Variants in C5AR1 observed in about 807,000 individuals in gnomAD.
The protein encoded by C5AR1 is complement C5a receptor 1.
C5AR1 carries 4 observed loss-of-function variants against 2.4 expected under a neutral mutation model. That is an observed-to-expected ratio of 1.65 (90% CI 0.81 to 3.77). C5AR1 has a LOEUF of 3.77. C5AR1 is among the 30% of genes most tolerant of loss of function. C5AR1 has a pLI of 0.01. For missense variants in C5AR1, 418 were observed against 462.5 expected (o/e 0.90, Z 0.88); for synonymous variants, 209 against 210.4 (o/e 0.99, Z 0.06).
At position 47,320,420 on chromosome 19, in the gene C5AR1, C is replaced by G. The variant is rs745507010; in HGVS notation, c.643C>G (p.Leu215Val). Residue 215 changes from leucine to valine, a missense_variant, in exon 2 of 2, where the codon CTA (leucine) becomes GTA (valine). Transcript: ENST00000355085. The surrounding 1 kb of genome is among the most constrained non-coding windows in gnomAD (Gnocchi z 4.9). The part of the protein sequence containing the change: ...VRLVLGFLWP[L>V]LTLTICYTFI... ...GCTGGTCCTGGGCTTCCTGTGGCCTCTACTCACGCTCACGATTTGTTACAC... is the reference window on the plus strand; with the variant it reads ...GCTGGTCCTGGGCTTCCTGTGGCCTGTACTCACGCTCACGATTTGTTACAC... 6.2e-7 allele frequency: 1 copy of G among 1,610,960 alleles called. No individual in the cohort carries two copies. Among genetic ancestry groups the G allele is most frequent in the Non-Finnish European group, 8.5e-7 (1 of 1,179,952 alleles).
chr19:47,314,211 T>G (rs973228310), intron 1 of C5AR1, among the ~76,000 whole-genome samples: 4 of 152,090 alleles, frequency 2.6e-5, no homozygotes, highest in Non-Finnish European at 5.9e-5. Context: ...CTGCCCTTTG[T>G]GCTATTGTCA....
chr19:47,316,908 T>C (rs2059291095), intron 1 of C5AR1, among the ~76,000 whole-genome samples: 1 of 150,554 alleles, frequency 6.6e-6, no homozygotes, highest in African/African-American at 2.4e-5. Flanking sequence ...CCAGGCATGG[T>C]GGCTTACATC....
intron 1 of C5AR1, among the ~76,000 whole-genome samples, chr19:47,311,535 C>T (rs1163742646): frequency 6.6e-6 from 1 of 151,976 alleles, no homozygotes; most frequent in African/African-American, 2.4e-5. Flanking sequence ...AACTCATTCT[C>T]CCTGCCTACC....
At chr19:47,315,899 C>T (rs1399241323) in intron 1 of C5AR1, among the ~76,000 whole-genome samples, 1 of 152,038 alleles carries the variant, frequency 6.6e-6, no homozygotes, top group Non-Finnish European at 1.5e-5. Flanking sequence ...ATACATTTTA[C>T]CTAGACTCTC....
Position 47,320,268 on chromosome 19 carries a change from C to A in C5AR1, c.491C>A (p.Ala164Asp), listed in dbSNP as rs145736934. 83 of 1,613,382 alleles carry A rather than the reference C, an allele frequency of 5.1e-5. No individual in the cohort carries two copies. In the African/African-American group the frequency reaches 9.6e-4, roughly 19 times the overall value. Residue 164 changes from alanine to aspartate, a missense_variant, in exon 2 of 2, where the codon GCC becomes GAC. Transcript: ENST00000355085. This position sits in a 1 kb window ranked among gnomAD's most constrained non-coding sequence, Gnocchi z 4.9. ...WIACAVAWGL[A>D]LLLTIPSFLY... ...GCCTGTGCCGTGGCTTGGGGTTTAG[C>A]CCTGCTGCTGACCATACCCTCCTTC...
At chr19:47,314,898 T>C (rs948912358) in intron 1 of C5AR1, among the ~76,000 whole-genome samples, 2 of 152,116 alleles carry the variant, frequency 1.3e-5, no homozygotes, top group African/African-American at 2.4e-5. Context: ...TTCACTATGT[T>C]GGCCAGTCTG....
intron 1 of C5AR1, among the ~76,000 whole-genome samples, 199 bp downstream of exon 1, chr19:47,310,097 G>A (rs1599728254): frequency 1.3e-5 from 2 of 152,240 alleles, no homozygotes; most frequent in East Asian, 3.9e-4. Flanking sequence ...CTGGGATGTG[G>A]CCATGGGAAT....
chr19:47,310,078 A>T lies in C5AR1; in HGVS notation c.3+180A>T, dbSNP rs556406845. On this transcript the variant is annotated intron_variant, in intron 1 of 1. Transcript: ENST00000355085. ...TCTCTCCTGCATCCCAGGCTCTCAC[A>T]CTCCAGGGCTGGGATGTGGCCATGG... Among the ~76,000 whole-genome samples, 40 of 151,688 alleles carry T rather than the reference A, an allele frequency of 2.6e-4. 1 individual carries two copies. The highest frequency in any genetic ancestry group is 4.4e-5 in the Non-Finnish European group (3 of 67,898).
At chr19:47,314,399 T>C (rs1180725822) in intron 1 of C5AR1, among the ~76,000 whole-genome samples, 2 of 152,168 alleles carry the variant, frequency 1.3e-5, no homozygotes, top group African/African-American at 4.8e-5. Flanking sequence ...TATTTTACTT[T>C]ATTTATTTTA....
At position 47,318,881 on chromosome 19, in the gene C5AR1, A is replaced by ATTT. The variant is rs34790165; in HGVS notation, c.4-879_4-877dup. 1.7e-3 allele frequency among the ~76,000 whole-genome samples: 166 copies of ATTT among 99,338 alleles called. 4 individuals carry two copies. The highest frequency in any genetic ancestry group is 2.2e-3 in the Non-Finnish European group (118 of 53,658). 65.2% of individuals were successfully genotyped at this position (99,338 alleles called of 152,430 possible). A position where few individuals can be genotyped will look rare whatever the true frequency, so the allele number is the denominator to read the frequency against. On this transcript the variant is annotated intron_variant, in intron 1 of 1. Coordinates refer to ENST00000355085, the MANE Select transcript of C5AR1 (RefSeq NM_001736.4). ...GAAGTGATCAGGACCTTTTTGTTCT[A>ATTT]TTTTTTTTTTTTTTTTTTTTTTTAG...
chr19:47,308,949 A>G (rs1319196319), upstream of C5AR1, among the ~76,000 whole-genome samples: 1 of 151,826 alleles, frequency 6.6e-6, no homozygotes, highest in African/African-American at 2.4e-5. Flanking sequence ...TAATTTTTGT[A>G]TTTTTAGTAG....
intron 1 of C5AR1, among the ~76,000 whole-genome samples, chr19:47,310,782 G>A (rs1404091689): frequency 6.6e-6 from 1 of 152,202 alleles, no homozygotes. Flanking sequence ...CTGGCATGAG[G>A]CCATTATGCC....
intron 1 of C5AR1, among the ~76,000 whole-genome samples, chr19:47,312,883 G>C (rs1364577789): frequency 6.6e-6 from 1 of 152,052 alleles, no homozygotes; most frequent in Non-Finnish European, 1.5e-5. Flanking sequence ...TGCCCAGCCT[G>C]GTGCTTCTTT....
At chr19:47,316,698 T>A (rs2059289978) in intron 1 of C5AR1, 1 of 152,166 alleles carries the variant, frequency 6.6e-6, no homozygotes, top group South Asian at 2.1e-4. Context: ...GTGTCAGCAC[T>A]TCCTTTTCAT....
At position 47,319,998 on chromosome 19, in the gene C5AR1, G is replaced by T; in HGVS notation, c.221G>T (p.Trp74Leu). ...FEAKRTINAI[W>L]FLNLAVADFL... ...GCCAAGCGGACCATCAATGCCATCT[G>T]GTTCCTCAACTTGGCGGTAGCCGAC... Residue 74 changes from tryptophan to leucine, a missense_variant, in exon 2 of 2, where the codon TGG becomes TTG. Trp to Leu is a moderately conservative substitution (Grantham distance 61). Coordinates refer to ENST00000355085, the MANE Select transcript of C5AR1 (RefSeq NM_001736.4). The T allele has an allele frequency of 6.2e-7, 1 of 1,614,242 alleles. No homozygotes were observed. Among genetic ancestry groups the T allele is most frequent in the Non-Finnish European group, 8.5e-7 (1 of 1,180,046 alleles).
At chr19:47,313,031 G>A (rs1472223792) in intron 1 of C5AR1, among the ~76,000 whole-genome samples, 1 of 152,182 alleles carries the variant, frequency 6.6e-6, no homozygotes, top group East Asian at 1.9e-4. Context: ...CTGGAGGGCA[G>A]TGGTGCAGTC....
chr19:47,316,294 CATCT>C lies in C5AR1; in HGVS notation c.4-3475_4-3472del, dbSNP rs111656742. On this transcript the variant is annotated intron_variant, in intron 1 of 1. Transcript: ENST00000355085. ...CCCAGCCCATTATCTATGTATCTAT[CATCT>C]ATCTATCTATCATCTATCTCTCAAT... 9.7e-3 allele frequency among the ~76,000 whole-genome samples: 1,469 copies of C among 152,098 alleles called. 28 individuals are homozygous for C. The highest frequency in any genetic ancestry group is 0.033 in the African/African-American group (1,375 of 41,496).
intron 1 of C5AR1, among the ~76,000 whole-genome samples, chr19:47,313,935 G>A (rs2059278313): frequency 2.0e-5 from 3 of 152,120 alleles, no homozygotes; most frequent in African/African-American, 7.2e-5. Flanking sequence ...GGTTCAATGA[G>A]ATAATACACG....
intron 1 of C5AR1, among the ~76,000 whole-genome samples, chr19:47,317,288 C>T (rs906107143): frequency 2.6e-5 from 4 of 151,308 alleles, no homozygotes; most frequent in African/African-American, 9.7e-5. Context: ...CGGAGGATTG[C>T]TTGAACCCAG....
Sources: allele counts gnomAD v4.1 joint callset (sites outside exome capture counted in the v4.1 genomes callset), GRCh38; gene constraint gnomAD v4.1.1; non-coding constraint Gnocchi (gnomAD v3.1); transcripts MANE v1.5; gene names NCBI Gene and HGNC (gene_info 2026-07-23, HGNC 2026-07-21).